CD84: variants seen among roughly 807,000 people sequenced by gnomAD.
The protein encoded by CD84 is CD84 molecule.
In CD84, 22 loss-of-function variants were observed where a neutral mutation model predicts 33.8. The ratio of observed to expected loss-of-function variants is 0.65; its 90% confidence interval spans 0.46 to 0.93. The LOEUF (loss-of-function observed/expected upper bound fraction) is 0.93, where lower values mean the gene tolerates loss of function less well. Ranked by LOEUF, CD84 falls within the 40% of genes least tolerant of loss-of-function variation. CD84 has a pLI of 0.00. For missense variants in CD84, 400 were observed against 397.6 expected (o/e 1.01, Z -0.05); for synonymous variants, 154 against 145.2 (o/e 1.06, Z -0.44).
At chr1:160,552,809 G>T in intron 4 of CD84, 1 of 1,207,240 alleles carries the variant, frequency 8.3e-7, no homozygotes, top group Non-Finnish European at 1.2e-6. Flanking sequence ...TGTGATTGGT[G>T]GGAAAAGGAA....
intron 2 of CD84, among the ~76,000 whole-genome samples, chr1:160,561,794 T>A (rs1656990867): frequency 6.6e-6 from 1 of 152,318 alleles, no homozygotes; most frequent in Admixed American, 6.5e-5. Flanking sequence ...TTTCTTAAGC[T>A]GTTAAACAAC....
At chr1:160,560,734 A>G (rs1656897431) in intron 2 of CD84, among the ~76,000 whole-genome samples, 1 of 152,110 alleles carries the variant, frequency 6.6e-6, no homozygotes, top group South Asian at 2.1e-4. Context: ...TGAGAAAAAT[A>G]GAGAGACTGC....
chr1:160,541,174 AAATTT>A lies in CD84; in HGVS notation c.*7077_*7081del, dbSNP rs1427846709. On this transcript the variant is annotated 3_prime_UTR_variant, in exon 7 of 7. Transcript: ENST00000368054. ...TCATTTCTTAGGCACTTACAAGGTA[AAATTT>A]ATGAACCATACTTTATTAATGGGCA... 1.3e-5 allele frequency: 2 copies of A among 152,200 alleles called. No individual in the cohort carries two copies. Among genetic ancestry groups the A allele is most frequent in the African/African-American group, 2.4e-5 (1 of 41,454 alleles). 9.4% of individuals were successfully genotyped at this position (152,200 alleles called of 1,614,324 possible).
chr1:160,573,171 G>T (rs556023898), intron 1 of CD84, among the ~76,000 whole-genome samples: 1 of 152,218 alleles, frequency 6.6e-6, no homozygotes, highest in East Asian at 1.9e-4. Flanking sequence ...AAATAGAAAA[G>T]AATCAGAAAC....
Position 160,546,661 on chromosome 1 carries a change from T to A in CD84, c.*1595A>T. 1 of 153,080 alleles carries A rather than the reference T, an allele frequency of 6.5e-6. No homozygotes were observed. Among genetic ancestry groups the A allele is most frequent in the Non-Finnish European group, 1.5e-5 (1 of 68,592 alleles). The allele number at this position is 153,080 out of a possible 1,614,324, so 9.5% of individuals were successfully genotyped here. On this transcript the variant is annotated 3_prime_UTR_variant, in exon 7 of 7. Coordinates refer to ENST00000368054, the MANE Select transcript of CD84 (RefSeq NM_003874.4). ...TCATGCTTCTCTCACTTGGAGGCCC[T>A]CTGTCTTCCTCATTCTCTATCCAAA...
At chr1:160,556,149 T>A (rs1027204290) in intron 2 of CD84, among the ~76,000 whole-genome samples, 1 of 152,058 alleles carries the variant, frequency 6.6e-6, no homozygotes, top group African/African-American at 2.4e-5. Context: ...TAGGGGACAG[T>A]GGTAAAGAAG....
chr1:160,550,089 G>A, intron 5 of CD84, 110 bp from the exon 6 acceptor site: 2 of 795,700 alleles, frequency 2.5e-6, no homozygotes, highest in East Asian at 2.6e-5. Context: ...CATTTACTGG[G>A]TGGCCTCCCC....
At chr1:160,561,501 A>G (rs1252806136) in intron 2 of CD84, among the ~76,000 whole-genome samples, 1 of 152,216 alleles carries the variant, frequency 6.6e-6, no homozygotes, top group Non-Finnish European at 1.5e-5. Context: ...TTAGGTATTG[A>G]AGGAACACAC....
intron 4 of CD84, among the ~76,000 whole-genome samples, chr1:160,552,044 AT>A (rs1040496685): frequency 1.3e-5 from 2 of 152,224 alleles, no homozygotes; most frequent in African/African-American, 4.8e-5. Flanking sequence ...GAAGGCCAGA[AT>A]TTTGGGCCTT....
At chr1:160,574,443 T>C (rs1340112467) in intron 1 of CD84, among the ~76,000 whole-genome samples, 1 of 152,210 alleles carries the variant, frequency 6.6e-6, no homozygotes, top group Non-Finnish European at 1.5e-5. Flanking sequence ...TGTTGTTGAC[T>C]AGCTAAATGA....
chr1:160,565,666 A>AT lies in CD84; in HGVS notation c.125dup (p.Asn42LysfsTer9), dbSNP rs1657278041. 1 of 1,613,724 alleles carries AT rather than the reference A, an allele frequency of 6.2e-7. No individual in the cohort carries two copies. The highest frequency in any genetic ancestry group is 8.5e-7 in the Non-Finnish European group (1 of 1,179,876). ...TTTTAACTTGCCGTGGTTCTTGGAT[A>AT]TTTACAGGGAAAGTGACTGACTCTC... On this transcript the variant is annotated frameshift_variant, in exon 2 of 7. Coordinates refer to ENST00000368054, the MANE Select transcript of CD84 (RefSeq NM_003874.4). LOFTEE classifies it high-confidence loss of function.
At position 160,541,642 on chromosome 1, in the gene CD84, G is replaced by C. The variant is rs1655547305; in HGVS notation, c.*6614C>G. On this transcript the variant is annotated 3_prime_UTR_variant, in exon 7 of 7. Transcript: ENST00000368054. ...ACAGAAGGGAGAGAAGGGCATCCCA[G>C]ACAACATGGGCAAAGGCATGGGAGG... is the stretch of plus-strand genomic sequence containing the variant. 6.6e-6 allele frequency: 1 copy of C among 152,250 alleles called. No individual in the cohort carries two copies. Among genetic ancestry groups the C allele is most frequent in the South Asian group, 2.1e-4 (1 of 4,830 alleles). The allele number at this position is 152,250 out of a possible 1,614,324, so 9.4% of individuals were successfully genotyped here. A position where few individuals can be genotyped will look rare whatever the true frequency, so the allele number is the denominator to read the frequency against.
chr1:160,562,950 A>G (rs1393783154), intron 2 of CD84, among the ~76,000 whole-genome samples: 2 of 152,216 alleles, frequency 1.3e-5, no homozygotes, highest in East Asian at 3.8e-4. Context: ...GACACTTCTC[A>G]AAAGAAGACA....
Position 160,549,837 on chromosome 1 carries a change from C to A in CD84, c.921+80G>T, listed in dbSNP as rs1042466649. 250 of 1,047,226 alleles carry A rather than the reference C, an allele frequency of 2.4e-4. 1 individual carries two copies. The highest frequency in any genetic ancestry group is 3.5e-4 in the Non-Finnish European group (230 of 663,980). 64.9% of individuals were successfully genotyped at this position (1,047,226 alleles called of 1,614,324 possible). On this transcript the variant is annotated intron_variant, in intron 6 of 6. Transcript: ENST00000368054. ...AAGGAGTCCCAGGGGAACCAGCTAG[C>A]CCCTGGTTGGATGGACCGGGTGCAC... is the stretch of plus-strand genomic sequence containing the variant.
chr1:160,574,333 T>G (rs1173725724), intron 1 of CD84, among the ~76,000 whole-genome samples: 1 of 152,046 alleles, frequency 6.6e-6, no homozygotes, highest in East Asian at 1.9e-4. Context: ...CTATACTGTT[T>G]GTGAAGAAAA....
chr1:160,557,266 G>T (rs1199608351), intron 2 of CD84, among the ~76,000 whole-genome samples: 22 of 152,204 alleles, frequency 1.4e-4, no homozygotes, highest in Admixed American at 1.4e-3. Flanking sequence ...CTGTCCATCG[G>T]TATAGAAACT....
chr1:160,579,259 G>T, intron 1 of CD84, 133 bp downstream of exon 1: 2 of 1,185,396 alleles, frequency 1.7e-6, no homozygotes, highest in South Asian at 1.6e-5. Context: ...GGATCCTGTT[G>T]AGTACAGTAG....
Position 160,565,483 on chromosome 1 carries a change from G to A in CD84, c.309C>T (p.Asp103=), listed in dbSNP as rs368588376. 44 of 1,613,750 alleles carry A rather than the reference G, an allele frequency of 2.7e-5. No homozygotes were observed. Among genetic ancestry groups the A allele is most frequent in the Non-Finnish European group, 3.2e-5 (38 of 1,179,860 alleles). The change falls in exon 2 of 7, where the codon GAC becomes GAT. Residue 103 remains aspartate, a synonymous_variant. Coordinates refer to ENST00000368054, the MANE Select transcript of CD84 (RefSeq NM_003874.4). ...NLVISDLRME[D]AGDYKADINT... is the part of the protein sequence containing the mutation. Reference sequence around the variant, plus strand: ...TTATGTCTGCTTTGTAGTCTCCTGCGTCTTCCATCCTCAGATCGCTAATGA... The same window carrying A: ...TTATGTCTGCTTTGTAGTCTCCTGCATCTTCCATCCTCAGATCGCTAATGA...
Position 160,549,978 on chromosome 1 carries a change from A to G in CD84, c.860T>C (p.Val287Ala). 6.2e-7 allele frequency: 1 copy of G among 1,607,298 alleles called. No individual in the cohort carries two copies. Among genetic ancestry groups the G allele is most frequent in the Non-Finnish European group, 8.5e-7 (1 of 1,174,068 alleles). The stretch of plus-strand genomic sequence containing the variant: ...CACTGGCTCTTCCTTGGAGGGAAGC[A>G]CCTGTAAAACACACATCTTCCCCTC... Reference protein sequence around the residue: ...RIYDEILQSKVLPSKEEPVNT... With the variant: ...RIYDEILQSKALPSKEEPVNT... The change falls in exon 6 of 7, where the codon GTG becomes GCG. Residue 287 changes from valine to alanine, a missense_variant and splice_region_variant. Val to Ala is a moderately conservative substitution (Grantham distance 64). Transcript: ENST00000368054.
Sources: gnomAD v4.1 joint callset for allele counts (sites outside exome capture counted in the v4.1 genomes callset) on GRCh38, gnomAD v4.1.1 for gene constraint, MANE v1.5 for transcripts, NCBI Gene and HGNC (gene_info 2026-07-23, HGNC 2026-07-21) for gene names.